SEC62: variants seen among roughly 807,000 people sequenced by gnomAD.
SEC62 encodes the protein SEC62 preprotein translocation factor, also known as translocation protein SEC62.
SEC62 carries 10 observed loss-of-function variants against 47.5 expected under a neutral mutation model. The observed-to-expected ratio is 0.21, with a 90% CI of 0.13 to 0.36. The LOEUF is 0.36. Ranked by LOEUF, SEC62 falls within the 10% of genes least tolerant of loss-of-function variation. The pLI is 1.00. For missense variants in SEC62, 327 were observed against 464.1 expected (o/e 0.70, Z 2.71); for synonymous variants, 136 against 150.5 (o/e 0.90, Z 0.71).
chr3:169,968,032 T>C (rs988856052), intron 1 of SEC62, among the ~76,000 whole-genome samples: 3 of 152,202 alleles, frequency 2.0e-5, no homozygotes, highest in Non-Finnish European at 4.4e-5. Context: ...AGAAATAAAG[T>C]AGTTCCGAAC....
rs1715300199 is a variant in SEC62, at chr3:169,993,549, T to G, written c.*486T>G. The G allele has an allele frequency of 6.5e-6, 1 of 153,134 alleles. No individual in the cohort carries two copies. Among genetic ancestry groups the G allele is most frequent in the Non-Finnish European group, 1.5e-5 (1 of 68,432 alleles). The allele number at this position is 153,134 out of a possible 1,614,324, so 9.5% of individuals were successfully genotyped here. On this transcript the variant is annotated 3_prime_UTR_variant, in exon 8 of 8. Transcript: ENST00000337002. ...TATAAAATTATACCAGGAGATTTCT[T>G]TTAAGATTCTGAGTTAGCAGAGTTC...
Position 169,997,346 on chromosome 3 carries a change from A to AGATAAGTTAAATTTCAAGGGGG in SEC62, c.*4284_*4305dup, listed in dbSNP as rs1307489945. On this transcript the variant is annotated 3_prime_UTR_variant, in exon 8 of 8. Coordinates refer to ENST00000337002, the MANE Select transcript of SEC62 (RefSeq NM_003262.4). The stretch of plus-strand genomic sequence containing the variant: ...TTCTTAGCATGACAGAAAGAGGGAA[A>AGATAAGTTAAATTTCAAGGGGG]GATAAGTTAAATTTCAAGGGGGTCA... 1 of 152,250 alleles carries AGATAAGTTAAATTTCAAGGGGG rather than the reference A, an allele frequency of 6.6e-6. No individual in the cohort carries two copies. Among genetic ancestry groups the AGATAAGTTAAATTTCAAGGGGG allele is most frequent in the African/African-American group, 2.4e-5 (1 of 41,464 alleles). The allele number at this position is 152,250 out of a possible 1,614,324, so 9.4% of individuals were successfully genotyped here. A position where few individuals can be genotyped will look rare whatever the true frequency, so the allele number is the denominator to read the frequency against.
At position 169,994,940 on chromosome 3, in the gene SEC62, T is replaced by C. The variant is rs776185373; in HGVS notation, c.*1877T>C. Reference sequence around the variant, plus strand: ...TGTGTGGATTCTTACAGAATGTTAGTACAAATTTTTATAAATATTTGGTGA... The same window carrying C: ...TGTGTGGATTCTTACAGAATGTTAGCACAAATTTTTATAAATATTTGGTGA... On this transcript the variant is annotated 3_prime_UTR_variant, in exon 8 of 8. Transcript: ENST00000337002. The C allele has an allele frequency of 3.3e-5, 5 of 152,190 alleles. No individual in the cohort carries two copies. The highest frequency in any genetic ancestry group is 5.9e-5 in the Non-Finnish European group (4 of 68,000). The allele number at this position is 152,190 out of a possible 1,614,324, so 9.4% of individuals were successfully genotyped here.
chr3:169,972,424 C>T (rs1017396037), intron 1 of SEC62, among the ~76,000 whole-genome samples: 1 of 152,014 alleles, frequency 6.6e-6, no homozygotes. Flanking sequence ...TTGATAATCT[C>T]ACTCCTAATT....
At chr3:169,976,130 C>T (rs6796181) in intron 2 of SEC62, among the ~76,000 whole-genome samples, 4,654 of 152,180 alleles carry the variant, frequency 0.031, 259 homozygotes, top group African/African-American at 0.11. Flanking sequence ...GGTGTCGTGG[C>T]TCACACCTAT....
rs1268424074 is a variant in SEC62, at chr3:169,992,413, C to T, written c.731-181C>T. Among the ~76,000 whole-genome samples the T allele has an allele frequency of 6.6e-6, 1 of 152,098 alleles. No homozygotes were observed. Among genetic ancestry groups the T allele is most frequent in the African/African-American group, 2.4e-5 (1 of 41,408 alleles). The stretch of plus-strand genomic sequence containing the variant: ...AGCTCCTGGGCTCAAGTGATCCTCC[C>T]AAGTAGCTTGGATTAGAGGTTTAGC... On this transcript the variant is annotated intron_variant, in intron 7 of 7. Coordinates refer to ENST00000337002, the MANE Select transcript of SEC62 (RefSeq NM_003262.4). The surrounding 1 kb of genome is among the most constrained non-coding windows in gnomAD (Gnocchi z 4.0).
Position 169,985,876 on chromosome 3 carries a change from A to T in SEC62, c.610+11A>T, listed in dbSNP as rs1715093307. ...TGGGATTAATTCTTGGTAAGTAGTG[A>T]GATGTTAATAGCTATAAAGTGCAAT... On this transcript the variant is annotated intron_variant, in intron 6 of 7. Transcript: ENST00000337002. 2 of 1,588,838 alleles carry T rather than the reference A, an allele frequency of 1.3e-6. No individual in the cohort carries two copies. Among genetic ancestry groups the T allele is most frequent in the Non-Finnish European group, 1.7e-6 (2 of 1,158,944 alleles).
At chr3:169,982,996 A>T in intron 4 of SEC62, 85 bp downstream of exon 4, 1 of 1,514,492 alleles carries the variant, frequency 6.6e-7, no homozygotes, top group Non-Finnish European at 8.8e-7. Flanking sequence ...TTTAAGTATT[A>T]TGCAACACCT....
rs1331165840 is a variant in SEC62 at position 169,995,303 on chromosome 3, T to C, written c.*2240T>C. On this transcript the variant is annotated 3_prime_UTR_variant, in exon 8 of 8. Transcript: ENST00000337002. ...TATCAATTGGCCTAACTAAGCAGGA[T>C]TGAATTTACCAGAGGCTAAGTTCAG... 6.6e-6 allele frequency: 1 copy of C among 152,184 alleles called. No homozygotes were observed. Among genetic ancestry groups the C allele is most frequent in the African/African-American group, 2.4e-5 (1 of 41,450 alleles). 9.4% of individuals were successfully genotyped at this position (152,184 alleles called of 1,614,324 possible).
At position 169,993,020 on chromosome 3, in the gene SEC62, A is replaced by C; in HGVS notation, c.1157A>C (p.Glu386Ala). Reference protein sequence around the residue: ...DGDCEEDEEEENDGETPKSSH... With the variant: ...DGDCEEDEEEANDGETPKSSH... ...GATTGTGAAGAGGATGAGGAAGAGGAAAATGATGGAGAAACACCTAAATCT... is the reference window on the plus strand; with the variant it reads ...GATTGTGAAGAGGATGAGGAAGAGGCAAATGATGGAGAAACACCTAAATCT... The change falls in exon 8 of 8, where the codon GAA (glutamate) becomes GCA (alanine). Residue 386 changes from glutamate to alanine, a missense_variant. Coordinates refer to ENST00000337002, the MANE Select transcript of SEC62 (RefSeq NM_003262.4). 1 of 1,609,824 alleles carries C rather than the reference A, an allele frequency of 6.2e-7. No individual in the cohort carries two copies. The highest frequency in any genetic ancestry group is 8.5e-7 in the Non-Finnish European group (1 of 1,178,504).
At chr3:169,988,212 A>C (rs1477890342) in intron 6 of SEC62, 28 bp from the exon 7 acceptor site, 3 of 1,612,574 alleles carry the variant, frequency 1.9e-6, no homozygotes, top group Non-Finnish European at 2.5e-6. Context: ...TTATTCTAAA[A>C]TTTAACTTTT....
At chr3:169,989,919 A>C (rs1301627729) in intron 7 of SEC62, among the ~76,000 whole-genome samples, 1 of 148,888 alleles carries the variant, frequency 6.7e-6, no homozygotes, top group Non-Finnish European at 1.5e-5. Context: ...TATTCTTTGA[A>C]GTCTTTATAT....
rs1244500635 is a variant in SEC62 at position 169,996,256 on chromosome 3, T to A, written c.*3193T>A. ...TACCTGGTTTATGGAATAGAATTTA[T>A]TGCTGAATCATGCTCCAGTATTTGA... On this transcript the variant is annotated 3_prime_UTR_variant, in exon 8 of 8. Transcript: ENST00000337002. 6.6e-6 allele frequency: 1 copy of A among 152,640 alleles called. No homozygotes were observed. The highest frequency in any genetic ancestry group is 1.5e-5 in the Non-Finnish European group (1 of 68,024). 9.5% of individuals were successfully genotyped at this position (152,640 alleles called of 1,614,324 possible).
Position 169,976,940 on chromosome 3 carries a change from C to T in SEC62, c.146-6C>T. 1.3e-6 allele frequency: 2 copies of T among 1,584,642 alleles called. No homozygotes were observed. The highest frequency in any genetic ancestry group is 1.3e-5 in the African/African-American group (1 of 74,254). On this transcript the variant is annotated splice_region_variant and splice_polypyrimidine_tract_variant and intron_variant, in intron 2 of 7. Transcript: ENST00000337002. ...CTAAATTTAAAATAATGAATTTCTT[C>T]TTTAGCTTCAAAAGCAGTGGACTGT...
chr3:169,980,460 A>G (rs1307208549), intron 3 of SEC62, among the ~76,000 whole-genome samples: 1 of 152,200 alleles, frequency 6.6e-6, no homozygotes, highest in East Asian at 1.9e-4. Flanking sequence ...CTCATCTTTC[A>G]ACCTAATTGT....
chr3:169,971,878 A>G (rs545138347), intron 1 of SEC62, among the ~76,000 whole-genome samples: 2 of 152,182 alleles, frequency 1.3e-5, no homozygotes, highest in African/African-American at 4.8e-5. Flanking sequence ...TAAATTTGAT[A>G]TGGTCATTCT....
In SEC62 at chr3:169,996,288, T is replaced by G. The variant is rs1384448861; in HGVS notation, c.*3225T>G. On this transcript the variant is annotated 3_prime_UTR_variant, in exon 8 of 8. Coordinates refer to ENST00000337002, the MANE Select transcript of SEC62 (RefSeq NM_003262.4). ...ATCATGCTCCAGTATTTGAGTGATG[T>G]TTTAAATATCCTATGTCTGAAAATA... is the stretch of plus-strand genomic sequence containing the variant. 6.5e-6 allele frequency: 1 copy of G among 152,674 alleles called. No homozygotes were observed. Among genetic ancestry groups the G allele is most frequent in the Non-Finnish European group, 1.5e-5 (1 of 68,050 alleles). 9.5% of individuals were successfully genotyped at this position (152,674 alleles called of 1,614,324 possible). A position where few individuals can be genotyped will look rare whatever the true frequency, so the allele number is the denominator to read the frequency against.
At position 169,992,567 on chromosome 3, in the gene SEC62, CAATT is replaced by C. The variant is rs1353033847; in HGVS notation, c.731-25_731-22del. On this transcript the variant is annotated intron_variant, in intron 7 of 7. Coordinates refer to ENST00000337002, the MANE Select transcript of SEC62 (RefSeq NM_003262.4). The surrounding 1 kb of genome is among the most constrained non-coding windows in gnomAD (Gnocchi z 4.0). Reference sequence around the variant, plus strand: ...CTTCTGAGGCAGTGTTTGAATTACTCAATTAGAGAAATTTTTCTCCCCACAGCTC... The same window carrying C: ...CTTCTGAGGCAGTGTTTGAATTACTCAGAGAAATTTTTCTCCCCACAGCTC... 1.3e-5 allele frequency: 20 copies of C among 1,531,840 alleles called. 1 individual carries two copies. The highest frequency in any genetic ancestry group is 1.8e-5 in the Non-Finnish European group (20 of 1,118,308). The allele number at this position is 1,531,840 out of a possible 1,614,324, so 94.9% of individuals were successfully genotyped here.
At position 169,995,024 on chromosome 3, in the gene SEC62, C is replaced by T. The variant is rs1254076879; in HGVS notation, c.*1961C>T. On this transcript the variant is annotated 3_prime_UTR_variant, in exon 8 of 8. Transcript: ENST00000337002. Reference sequence around the variant, plus strand: ...AGAAAGTGAATTAGAAATTTCAGCTCAGTTTCTATTTTACTATTCAAGTTG... The same window carrying T: ...AGAAAGTGAATTAGAAATTTCAGCTTAGTTTCTATTTTACTATTCAAGTTG... 6.6e-6 allele frequency: 1 copy of T among 152,070 alleles called. No individual in the cohort carries two copies. Among genetic ancestry groups the T allele is most frequent in the Non-Finnish European group, 1.5e-5 (1 of 68,008 alleles). The allele number at this position is 152,070 out of a possible 1,614,324, so 9.4% of individuals were successfully genotyped here.
Sources: allele counts gnomAD v4.1 joint callset (sites outside exome capture counted in the v4.1 genomes callset), GRCh38; gene constraint gnomAD v4.1.1; non-coding constraint Gnocchi (gnomAD v3.1); transcripts MANE v1.5; gene names NCBI Gene and HGNC (gene_info 2026-07-23, HGNC 2026-07-21).